SPAG17: variants seen among roughly 807,000 people sequenced by gnomAD.
SPAG17 encodes the protein sperm associated antigen 17.
SPAG17 carries 169 observed loss-of-function variants against 273.6 expected under a neutral mutation model. The observed-to-expected ratio is 0.62, with a 90% confidence interval of 0.55 to 0.70. The LOEUF (loss-of-function observed/expected upper bound fraction) is 0.70. Ranked by LOEUF, SPAG17 falls within the 30% of genes least tolerant of loss-of-function variation. The pLI is 0.00. For missense variants in SPAG17, 2,557 were observed against 2,627.8 expected, an observed-to-expected ratio of 0.97 and a Z score of 0.59; for synonymous variants, 825 against 873.2, an observed-to-expected ratio of 0.94 and a Z score of 0.97.
At chr1:117,979,454 T>C (rs149296799) in intron 43 of SPAG17, among the ~76,000 whole-genome samples, 275 of 152,218 alleles carry the variant, frequency 1.8e-3, no homozygotes, top group African/African-American at 6.3e-3. Context: ...CACCATTCCC[T>C]CTTCGCCCAC....
intron 3 of SPAG17, among the ~76,000 whole-genome samples, chr1:118,139,625 T>C (rs1348810106): frequency 6.6e-6 from 1 of 152,186 alleles, no homozygotes; most frequent in Non-Finnish European, 1.5e-5. Context: ...GGAATACTAT[T>C]CAGCCTTAAA....
Position 118,036,873 on chromosome 1 carries a change from A to G in SPAG17, c.3330T>C (p.Asp1110=). The change falls in exon 24 of 49, where the codon GAT becomes GAC. Residue 1110 remains aspartate, a synonymous_variant. Transcript: ENST00000336338. ...ACTTGCTGAAAGCTTTATTCTTTGC[A>G]TCTGATACTTCTAAAATACAAAATC... The part of the protein sequence containing the change: ...EEQSLETEVS[D]AKNKAFSKFG... 1 of 1,551,934 alleles carries G rather than the reference A, an allele frequency of 6.4e-7. No homozygotes were observed. Among genetic ancestry groups the G allele is most frequent in the Non-Finnish European group, 8.7e-7 (1 of 1,145,434 alleles).
chr1:118,073,823 C>A (rs749932011), intron 17 of SPAG17, 31 bp downstream of exon 17: 2 of 1,458,382 alleles, frequency 1.4e-6, no homozygotes, highest in Non-Finnish European at 1.9e-6. Flanking sequence ...CCTATCTGAC[C>A]GTCTCCTAGA....
chr1:117,959,263 T>A, intron 48 of SPAG17: 2 of 1,594,454 alleles, frequency 1.3e-6, no homozygotes, highest in Non-Finnish European at 8.5e-7. Flanking sequence ...GGGAGAAAAT[T>A]TTTTAATATT....
rs1206378773 is a variant in SPAG17 at position 117,993,372 on chromosome 1, T to C, written c.5179-724A>G. Among the ~76,000 whole-genome samples, 3 of 152,292 alleles carry C rather than the reference T, an allele frequency of 2.0e-5. No individual in the cohort carries two copies. The East Asian group carries it at 5.8e-4, about 29-fold the overall frequency. On this transcript the variant is annotated intron_variant, in intron 35 of 48. Transcript: ENST00000336338. ...TTCAGAGGATGAGAATAAACTTCCT[T>C]CAATAATCTTAGATGTGGCATACCC...
At chr1:118,104,844 G>C (rs1656287812) in intron 4 of SPAG17, among the ~76,000 whole-genome samples, 1 of 152,138 alleles carries the variant, frequency 6.6e-6, no homozygotes, top group African/African-American at 2.4e-5. Flanking sequence ...CTGGAAGTTT[G>C]GTTGTGAAGC....
intron 48 of SPAG17, chr1:117,959,868 CA>C (rs751304861): frequency 2.2e-4 from 34 of 153,270 alleles, no homozygotes; most frequent in Admixed American, 9.8e-4. Context: ...TTGAGACAAC[CA>C]GGTGCATAAT....
At chr1:118,100,968 A>G (rs1656030605) in intron 5 of SPAG17, among the ~76,000 whole-genome samples, 1 of 152,174 alleles carries the variant, frequency 6.6e-6, no homozygotes, top group African/African-American at 2.4e-5. Flanking sequence ...ACTCATGACC[A>G]TAATCACTTT....
At chr1:118,093,455 T>G in intron 7 of SPAG17, 138 bp from the exon 8 acceptor site, 1 of 789,040 alleles carries the variant, frequency 1.3e-6, no homozygotes, top group Non-Finnish European at 1.9e-6. Flanking sequence ...AACCACTGAA[T>G]CCCAACCATG....
intron 4 of SPAG17, among the ~76,000 whole-genome samples, chr1:118,105,882 C>A (rs990743316): frequency 1.3e-5 from 2 of 152,006 alleles, no homozygotes; most frequent in Admixed American, 6.6e-5. Context: ...TCAGAGAAAT[C>A]AGAGAGGCAG....
At position 117,994,439 on chromosome 1, in the gene SPAG17, C is replaced by T. The variant is rs1418623981; in HGVS notation, c.5145G>A (p.Arg1715=). 6.2e-7 allele frequency: 1 copy of T among 1,612,700 alleles called. No individual in the cohort carries two copies. The change falls in exon 35 of 49, where the codon CGG becomes CGA. Residue 1715 remains arginine, a synonymous_variant. Transcript: ENST00000336338. ...KEDTIVPPNL[R]SRSWETFPSV... ...AGGGAAATGTTTCCCATGACCTTGA[C>T]CGGAGATTAGGAGGGACAATTGTAT...
chr1:118,093,620 G>A (rs1655526119), intron 7 of SPAG17, among the ~76,000 whole-genome samples: 1 of 152,208 alleles, frequency 6.6e-6, no homozygotes, highest in South Asian at 2.1e-4. Context: ...AGTTTCAGCA[G>A]TGTGGCCTGT....
intron 40 of SPAG17, among the ~76,000 whole-genome samples, chr1:117,985,130 G>A (rs1340049393): frequency 6.6e-6 from 1 of 152,186 alleles, no homozygotes; most frequent in African/African-American, 2.4e-5. Context: ...TGAAATGACA[G>A]CTAGAGTCTA....
rs1157506492 is a variant in SPAG17 at position 118,025,393 on chromosome 1, G to T, written c.3754C>A (p.Pro1252Thr). ...TGACGGACCATGATGTCCCAGGTGG[G>T]TTCCTCATCTATAACATATTGACCT... ...STGQYVIDEEPTWDIMVRQSY... is the reference protein window; with the variant it reads ...STGQYVIDEETTWDIMVRQSY... Residue 1252 changes from proline (P) to threonine (T), a missense_variant, in exon 27 of 49, where the codon CCC becomes ACC. By Grantham distance (38) the Pro-to-Thr change is conservative. Coordinates refer to ENST00000336338, the MANE Select transcript of SPAG17 (RefSeq NM_206996.4). 1 of 1,593,454 alleles carries T rather than the reference G, an allele frequency of 6.3e-7. No individual in the cohort carries two copies. The highest frequency in any genetic ancestry group is 1.8e-5 in the Admixed American group (1 of 55,402).
intron 25 of SPAG17, among the ~76,000 whole-genome samples, chr1:118,030,177 C>A (rs1211701211): frequency 1.3e-5 from 2 of 151,862 alleles, no homozygotes; most frequent in African/African-American, 4.8e-5. Context: ...AGGGGCCTGG[C>A]ATGAGAAATT....
intron 43 of SPAG17, among the ~76,000 whole-genome samples, chr1:117,978,980 G>A (rs1465279844): frequency 2.0e-5 from 3 of 151,558 alleles, no homozygotes; most frequent in Non-Finnish European, 4.4e-5. Context: ...CGATTCTCCT[G>A]CCTCAGCCTC....
In SPAG17 at chr1:118,114,535, T is replaced by C. The variant is rs77117556; in HGVS notation, c.447+775A>G. Among the ~76,000 whole-genome samples, 650 of 152,322 alleles carry C rather than the reference T, an allele frequency of 4.3e-3. 4 individuals are homozygous for C. The highest frequency in any genetic ancestry group is 0.015 in the African/African-American group (618 of 41,580). ...CCACTTAAGGCATAAAGAAATGACT[T>C]CATATGCAAATCCATTTCATACATA... On this transcript the variant is annotated intron_variant, in intron 4 of 48. Coordinates refer to ENST00000336338, the MANE Select transcript of SPAG17 (RefSeq NM_206996.4).
At position 118,150,516 on chromosome 1, in the gene SPAG17, A is replaced by G. The variant is rs761828860; in HGVS notation, c.315+27T>C. 6.2e-6 allele frequency: 8 copies of G among 1,283,644 alleles called. No homozygotes were observed. In the East Asian group the frequency reaches 7.6e-5, roughly 12 times the overall value. 79.5% of individuals were successfully genotyped at this position (1,283,644 alleles called of 1,614,324 possible). On this transcript the variant is annotated intron_variant, in intron 3 of 48. Coordinates refer to ENST00000336338, the MANE Select transcript of SPAG17 (RefSeq NM_206996.4). ...AATTCTTTTTTCTAAAAACACAAAA[A>G]TATCTTCTATAAACACTTTCACTTA...
intron 18 of SPAG17, among the ~76,000 whole-genome samples, chr1:118,058,249 C>G (rs1373317918): frequency 6.6e-6 from 1 of 151,994 alleles, no homozygotes; most frequent in African/African-American, 2.4e-5. Flanking sequence ...GCTCTGTAAC[C>G]CAGGCTGGAG....
Sources: gnomAD v4.1 joint callset for allele counts (sites outside exome capture counted in the v4.1 genomes callset) on GRCh38, gnomAD v4.1.1 for gene constraint, MANE v1.5 for transcripts, NCBI Gene and HGNC (gene_info 2026-07-23, HGNC 2026-07-21) for gene names.